Variants in NALF1 observed in about 807,000 individuals in gnomAD.
NALF1 encodes the protein family with sequence similarity 155 member A.
A neutral mutation model predicts 48.4 loss-of-function variants in NALF1; 3 were observed. The observed-to-expected ratio is 0.06, with a 90% CI of 0.03 to 0.16. The LOEUF is 0.16. Ranked by LOEUF, NALF1 falls within the 10% of genes least tolerant of loss-of-function variation. The pLI, the probability that NALF1 is intolerant of heterozygous loss-of-function variation, is 1.00. For synonymous variants in NALF1, 262 were observed against 245.7 expected (o/e 1.07, Z -0.62); for missense variants, 526 against 571.5 (o/e 0.92, Z 0.81).
chr13:107,170,681 G>A lies in NALF1; in HGVS notation c.1193C>T (p.Ser398Phe), dbSNP rs774707777. 8 of 1,614,178 alleles carry A rather than the reference G, an allele frequency of 5.0e-6. No individual in the cohort carries two copies. The highest frequency in any genetic ancestry group is 3.3e-4 in the Middle Eastern group (2 of 6,062). The change falls in exon 3 of 3, where the codon TCC becomes TTC. Residue 398 changes from serine to phenylalanine, a missense_variant. Physicochemically the swap from Ser to Phe is radical, Grantham distance 155. Transcript: ENST00000375915. Reference protein sequence around the residue: ...PSKGTVEKSGSCHRTSLTVSS... With the variant: ...PSKGTVEKSGFCHRTSLTVSS... ...CACTGTGAGCGATGTCCTGTGACAGGAGCCACTTTTCTCTACGGTCCCTTT... is the reference window on the plus strand; with the variant it reads ...CACTGTGAGCGATGTCCTGTGACAGAAGCCACTTTTCTCTACGGTCCCTTT...
At chr13:107,310,340 G>A (rs2138902861) in intron 1 of NALF1, among the ~76,000 whole-genome samples, 1 of 150,854 alleles carries the variant, frequency 6.6e-6, no homozygotes, top group South Asian at 2.1e-4. Flanking sequence ...AACTCGGCAA[G>A]CAGAGGTTAC....
chr13:107,729,552 C>T (rs1876250489), intron 1 of NALF1, among the ~76,000 whole-genome samples: 1 of 152,024 alleles, frequency 6.6e-6, no homozygotes, highest in African/African-American at 2.4e-5. Context: ...CCTCAGCTCA[C>T]CACAACCTCC....
At chr13:107,694,071 T>C (rs1881639737) in intron 1 of NALF1, among the ~76,000 whole-genome samples, 1 of 152,166 alleles carries the variant, frequency 6.6e-6, no homozygotes, top group South Asian at 2.1e-4. Context: ...AAAAATACTT[T>C]TGGCTGCAAG....
intron 1 of NALF1, among the ~76,000 whole-genome samples, chr13:107,553,537 T>C (rs1266682235): frequency 6.6e-6 from 1 of 152,230 alleles, no homozygotes; most frequent in Non-Finnish European, 1.5e-5. Flanking sequence ...AGCATTATGA[T>C]TTACTATAGA....
intron 1 of NALF1, among the ~76,000 whole-genome samples, chr13:107,453,748 T>C (rs1884780743): frequency 6.6e-6 from 1 of 152,242 alleles, no homozygotes; most frequent in Admixed American, 6.5e-5. Flanking sequence ...GCTGCAAATT[T>C]ACCAAACTTT....
intron 1 of NALF1, among the ~76,000 whole-genome samples, chr13:107,409,876 C>A (rs1025958913): frequency 6.6e-6 from 1 of 152,176 alleles, no homozygotes; most frequent in Non-Finnish European, 1.5e-5. Flanking sequence ...CTCTTGAGTA[C>A]TACTGCCTCT....
At chr13:107,464,417 G>T (rs140128529) in intron 1 of NALF1, among the ~76,000 whole-genome samples, 28 of 152,328 alleles carry the variant, frequency 1.8e-4, no homozygotes, top group African/African-American at 6.3e-4. Flanking sequence ...GGAGCTGGAA[G>T]AATGTATTAG....
intron 1 of NALF1, among the ~76,000 whole-genome samples, chr13:107,287,828 C>T (rs1473339108): frequency 1.3e-5 from 2 of 151,596 alleles, no homozygotes; most frequent in East Asian, 3.9e-4. Flanking sequence ...GCCTCAGCCT[C>T]CCGAGTAACT....
At chr13:107,320,832 T>C (rs933595081) in intron 1 of NALF1, 1 of 152,162 alleles carries the variant, frequency 6.6e-6, no homozygotes, top group Admixed American at 6.6e-5. Context: ...TGAATTTATA[T>C]TAATAAATTG....
intron 1 of NALF1, among the ~76,000 whole-genome samples, chr13:107,562,188 C>G (rs995841083): frequency 6.6e-6 from 1 of 152,194 alleles, no homozygotes; most frequent in Non-Finnish European, 1.5e-5. Flanking sequence ...TCTCCCATCT[C>G]ATTTCAAAGG....
At chr13:107,211,710 T>C (rs7321920) in intron 1 of NALF1, among the ~76,000 whole-genome samples, 2,547 of 152,290 alleles carry the variant, frequency 0.017, 80 homozygotes, top group African/African-American at 0.058. Context: ...AGGGTTAATA[T>C]TATCCAAGTA....
At chr13:107,313,428 A>T (rs1056705962) in intron 1 of NALF1, among the ~76,000 whole-genome samples, 1 of 152,284 alleles carries the variant, frequency 6.6e-6, no homozygotes, top group East Asian at 1.9e-4. Context: ...TACAAAGATT[A>T]AAAACAAACA....
rs544022647 is a variant in NALF1, at chr13:107,382,594, T to C, written c.916-171839A>G. Among the ~76,000 whole-genome samples, 6 of 152,298 alleles carry C rather than the reference T, an allele frequency of 3.9e-5. No individual in the cohort carries two copies. The East Asian group carries it at 5.8e-4, about 15-fold the overall frequency. ...CTGCAATCCTTACTTTTCCCCTTAA[T>C]GCCTCTGTGATGTCAGGGACTGATC... is the stretch of plus-strand genomic sequence containing the variant. On this transcript the variant is annotated intron_variant, in intron 1 of 2. Coordinates refer to ENST00000375915, the MANE Select transcript of NALF1 (RefSeq NM_001080396.3).
intron 1 of NALF1, among the ~76,000 whole-genome samples, chr13:107,230,920 C>T (rs929253210): frequency 1.3e-5 from 2 of 151,846 alleles, no homozygotes; most frequent in African/African-American, 4.8e-5. Flanking sequence ...ATTAGCCAGA[C>T]ATTGGGGTGT....
chr13:107,680,636 G>A (rs1881271567), intron 1 of NALF1, among the ~76,000 whole-genome samples: 2 of 151,700 alleles, frequency 1.3e-5, no homozygotes, highest in South Asian at 4.2e-4. Context: ...TTGTGAGAGT[G>A]TGAAAGTGTG....
At chr13:107,441,178 A>G (rs575945455) in intron 1 of NALF1, among the ~76,000 whole-genome samples, 1 of 152,314 alleles carries the variant, frequency 6.6e-6, no homozygotes, top group Admixed American at 6.5e-5. Context: ...TCTGTCAGAG[A>G]CAGAAAACTG....
chr13:107,864,141 A>G (rs189410324), intron 1 of NALF1, among the ~76,000 whole-genome samples: 2 of 152,334 alleles, frequency 1.3e-5, no homozygotes, highest in Admixed American at 1.3e-4. Flanking sequence ...ATTAATTTCT[A>G]CCATTAAAGT....
chr13:107,407,079 A>T (rs1266692921), intron 1 of NALF1, among the ~76,000 whole-genome samples: 1 of 152,032 alleles, frequency 6.6e-6, no homozygotes, highest in Non-Finnish European at 1.5e-5. Flanking sequence ...GAAGAATGAA[A>T]CTCAGACCCC....
At chr13:107,183,364 G>A (rs1191922692) in intron 2 of NALF1, among the ~76,000 whole-genome samples, 2 of 152,152 alleles carry the variant, frequency 1.3e-5, no homozygotes, top group Non-Finnish European at 2.9e-5. Flanking sequence ...AGAGGATGTG[G>A]GGAAATAGGA....
Sources: allele counts gnomAD v4.1 joint callset (sites outside exome capture counted in the v4.1 genomes callset), GRCh38; gene constraint gnomAD v4.1.1; transcripts MANE v1.5; gene names NCBI Gene and HGNC (gene_info 2026-07-23, HGNC 2026-07-21).